Variants in ALOX5 observed in about 807,000 individuals in gnomAD.
ALOX5 encodes polyunsaturated fatty acid 5-lipoxygenase.
Under a neutral mutation model 87.9 loss-of-function variants are expected in ALOX5, and 64 were observed. The ratio of observed to expected loss-of-function variants is 0.73; its 90% CI spans 0.60 to 0.90. The LOEUF (loss-of-function observed/expected upper bound fraction) is 0.90, where lower values mean the gene tolerates loss of function less well. Among genes scored for constraint, ALOX5 ranks in the 40% least tolerant of loss-of-function variants. The pLI, the probability that ALOX5 is intolerant of heterozygous loss-of-function variation, is 0.00. For synonymous variants in ALOX5, 388 were observed against 355.1 expected (o/e 1.09, Z -1.04); for missense variants, 822 against 907.5 (o/e 0.91, Z 1.21).
Position 45,444,156 on chromosome 10 carries a change from T to C in ALOX5, c.1715T>C (p.Met572Thr). ...CSWIPNAPPT[M>T]RAPPPTAKGV... is the part of the protein sequence containing the mutation. ...TGGATCCCCAATGCGCCCCCAACCATGCGAGCCCCGCCACCGACTGCCAAG... is the reference window on the plus strand; with the variant it reads ...TGGATCCCCAATGCGCCCCCAACCACGCGAGCCCCGCCACCGACTGCCAAG... The change falls in exon 13 of 14, where the codon ATG becomes ACG. Residue 572 changes from methionine (M) to threonine (T), a missense_variant. Coordinates refer to ENST00000374391, the MANE Select transcript of ALOX5 (RefSeq NM_000698.5). 2 of 1,554,424 alleles carry C rather than the reference T, an allele frequency of 1.3e-6. No individual in the cohort carries two copies. Among genetic ancestry groups the C allele is most frequent in the Non-Finnish European group, 1.7e-6 (2 of 1,149,106 alleles).
intron 7 of ALOX5, among the ~76,000 whole-genome samples, chr10:45,434,550 T>G (rs1842007403): frequency 6.6e-6 from 1 of 152,172 alleles, no homozygotes; most frequent in South Asian, 2.1e-4. Flanking sequence ...CACAATGAGT[T>G]AACAGTGGAA....
chr10:45,433,485 C>T (rs1206718931), intron 7 of ALOX5, among the ~76,000 whole-genome samples: 3 of 152,114 alleles, frequency 2.0e-5, no homozygotes, highest in African/African-American at 7.2e-5. Context: ...GCATTTATTG[C>T]GGGGACCAAA....
intron 7 of ALOX5, among the ~76,000 whole-genome samples, chr10:45,431,357 G>A (rs1841896407): frequency 6.6e-6 from 1 of 151,936 alleles, no homozygotes; most frequent in South Asian, 2.1e-4. Flanking sequence ...TCAAAGAACA[G>A]GGAAGATGAT....
Position 45,443,168 on chromosome 10 carries a change from A to G in ALOX5, c.1403A>G (p.Tyr468Cys), listed in dbSNP as rs1842295520. 2.5e-6 allele frequency: 4 copies of G among 1,613,706 alleles called. No homozygotes were observed. The highest frequency in any genetic ancestry group is 3.4e-6 in the Non-Finnish European group (4 of 1,179,980). ...ATGGAGAGCAAAGAAGACATCCCCT[A>G]CTACTTCTACCGGGACGACGGGCTC... ...RGMESKEDIP[Y>C]YFYRDDGLLV... The change falls in exon 10 of 14, where the codon TAC becomes TGC. Residue 468 changes from tyrosine to cysteine, a missense_variant. Tyr to Cys is a radical substitution (Grantham distance 194). Transcript: ENST00000374391.
intron 2 of ALOX5, among the ~76,000 whole-genome samples, chr10:45,384,321 T>C (rs1005810755): frequency 3.1e-4 from 47 of 152,296 alleles, no homozygotes; most frequent in African/African-American, 1.1e-3. Flanking sequence ...CAGCACAGGT[T>C]GGAGGGTGAG....
chr10:45,421,600 A>C (rs1463730393), intron 4 of ALOX5, among the ~76,000 whole-genome samples: 1 of 152,188 alleles, frequency 6.6e-6, no homozygotes, highest in Admixed American at 6.5e-5. Context: ...GTGCTGGGGG[A>C]GGAAGGAGGC....
At position 45,445,520 on chromosome 10, in the gene ALOX5, A is replaced by C; in HGVS notation, c.1858A>C (p.Met620Leu). Reference sequence around the variant, plus strand: ...TCTGGGCCCTCAGCTGTTCCTGGGCATGTACCCAGAAGAGCATTTTATCGA... The same window carrying C: ...TCTGGGCCCTCAGCTGTTCCTGGGCCTGTACCCAGAAGAGCATTTTATCGA... ...QFQENELFLGMYPEEHFIEKP... is the reference protein window; with the variant it reads ...QFQENELFLGLYPEEHFIEKP... The change falls in exon 14 of 14, where the codon ATG becomes CTG. Residue 620 changes from methionine to leucine, a missense_variant. Physicochemically the swap from Met to Leu is conservative, Grantham distance 15. Transcript: ENST00000374391. 3 of 1,613,718 alleles carry C rather than the reference A, an allele frequency of 1.9e-6. No individual in the cohort carries two copies. Among genetic ancestry groups the C allele is most frequent in the Non-Finnish European group, 2.5e-6 (3 of 1,179,636 alleles).
chr10:45,390,653 G>C (rs1840185319), intron 2 of ALOX5, among the ~76,000 whole-genome samples: 2 of 152,158 alleles, frequency 1.3e-5, no homozygotes, highest in Middle Eastern at 3.2e-3. Context: ...TGAGAACAAA[G>C]ACACAACATA....
At chr10:45,402,961 C>T (rs2132735589) in intron 3 of ALOX5, among the ~76,000 whole-genome samples, 1 of 152,290 alleles carries the variant, frequency 6.6e-6, no homozygotes, top group African/African-American at 2.4e-5. Flanking sequence ...CACATATGCC[C>T]CCAGATGGGC....
chr10:45,440,705 C>A, intron 8 of ALOX5, 72 bp downstream of exon 8: 1 of 1,515,044 alleles, frequency 6.6e-7, no homozygotes, highest in Admixed American at 1.9e-5. Context: ...TCACTGACAT[C>A]CCACAGGGGG....
chr10:45,441,371 A>AT lies in ALOX5; in HGVS notation c.1215dup (p.Ala406CysfsTer8). 1 of 1,613,566 alleles carries AT rather than the reference A, an allele frequency of 6.2e-7. No individual in the cohort carries two copies. Among genetic ancestry groups the AT allele is most frequent in the Admixed American group, 1.7e-5 (1 of 59,996 alleles). On this transcript the variant is annotated frameshift_variant, in exon 9 of 14. Transcript: ENST00000374391. LOFTEE classifies it high-confidence loss of function. ...GCTGGTGGCACACGTGAGATTCACC[A>AT]TTGCAATCAACACCAAGGCCCGTGA...
At chr10:45,391,535 C>T (rs1408662186) in intron 2 of ALOX5, among the ~76,000 whole-genome samples, 5 of 152,050 alleles carry the variant, frequency 3.3e-5, no homozygotes, top group South Asian at 2.1e-4. Context: ...AAGTGAGGAG[C>T]GTCTCTGCCT....
chr10:45,376,170 T>C (rs1216457320), intron 1 of ALOX5, among the ~76,000 whole-genome samples: 1 of 149,008 alleles, frequency 6.7e-6, no homozygotes, highest in East Asian at 2.0e-4. Flanking sequence ...AGGCACTGTT[T>C]TGTCCACTAT....
intron 12 of ALOX5, 34 bp from the exon 13 acceptor site, chr10:45,444,082 G>A: frequency 6.6e-7 from 1 of 1,505,186 alleles, no homozygotes; most frequent in Non-Finnish European, 8.9e-7. Flanking sequence ...AGGGCTTCGG[G>A]GGTGCCCACG....
intron 2 of ALOX5, among the ~76,000 whole-genome samples, chr10:45,387,643 G>C (rs138478060): frequency 1.3e-5 from 2 of 152,296 alleles, no homozygotes; most frequent in African/African-American, 4.8e-5. Context: ...GCCAAGCCCA[G>C]TGAGAACCAA....
At chr10:45,442,931 C>T (rs1158660114) in intron 9 of ALOX5, 107 bp from the exon 10 acceptor site, 9 of 1,230,922 alleles carry the variant, frequency 7.3e-6, no homozygotes, top group Non-Finnish European at 1.0e-5. Flanking sequence ...GGGCTTGCAC[C>T]TCTGCCTGCC....
At chr10:45,382,819 A>T (rs1395059214) in intron 2 of ALOX5, 138 bp downstream of exon 2, 1 of 1,019,242 alleles carries the variant, frequency 9.8e-7, no homozygotes, top group Non-Finnish European at 1.4e-6. Context: ...CTGTGCCTCG[A>T]CACACCTGCA....
In ALOX5 at chr10:45,445,804, G is replaced by A; in HGVS notation, c.*117G>A. The A allele has an allele frequency of 2.7e-6, 3 of 1,124,282 alleles. No individual in the cohort carries two copies. Among genetic ancestry groups the A allele is most frequent in the Non-Finnish European group, 2.6e-6 (2 of 783,168 alleles). 69.6% of individuals were successfully genotyped at this position (1,124,282 alleles called of 1,614,324 possible). ...AGTCACATCTCTTCCTCCGAGGCCAGTACCTTTCCATTTATTCTTTGATCT... is the reference window on the plus strand; with the variant it reads ...AGTCACATCTCTTCCTCCGAGGCCAATACCTTTCCATTTATTCTTTGATCT... On this transcript the variant is annotated 3_prime_UTR_variant, in exon 14 of 14. Transcript: ENST00000374391.
intron 4 of ALOX5, among the ~76,000 whole-genome samples, chr10:45,418,348 A>T (rs951289267): frequency 3.3e-5 from 5 of 152,124 alleles, no homozygotes; most frequent in Non-Finnish European, 7.4e-5. Context: ...GTGTCCTCAA[A>T]TGAACAATGA....
Sources: gnomAD v4.1 joint callset for allele counts (sites outside exome capture counted in the v4.1 genomes callset) on GRCh38, gnomAD v4.1.1 for gene constraint, MANE v1.5 for transcripts, NCBI Gene and HGNC (gene_info 2026-07-23, HGNC 2026-07-21) for gene names.